Variants in CFAP161 observed in about 807,000 individuals in gnomAD.
CFAP161 encodes cilia and flagella associated protein 161, also known as cilia- and flagella-associated protein 161.
In CFAP161, 25 loss-of-function variants were observed where a neutral mutation model predicts 29.0. The observed-to-expected ratio is 0.86, with a 90% CI of 0.63 to 1.20. The LOEUF (loss-of-function observed/expected upper bound fraction) is 1.20. Ranked by LOEUF, CFAP161 falls within the 50% of genes most tolerant of loss-of-function variation. CFAP161 has a pLI of 0.00. For synonymous variants in CFAP161, 116 were observed against 137.4 expected (o/e 0.84, Z 1.09); for missense variants, 367 against 371.9 (o/e 0.99, Z 0.11).
At chr15:81,119,974 G>T (rs745947395) in intron 1 of CFAP161, among the ~76,000 whole-genome samples, 4 of 151,960 alleles carry the variant, frequency 2.6e-5, no homozygotes, top group Non-Finnish European at 5.9e-5. Flanking sequence ...GTGATAAAAG[G>T]CTCAAAAGCA....
At chr15:81,100,118 T>G in intron 1 of CFAP161, among the ~76,000 whole-genome samples, 1 of 151,880 alleles carries the variant, frequency 6.6e-6, no homozygotes. Context: ...CTTCTCTGCC[T>G]GTCTGCATCC....
intron 1 of CFAP161, among the ~76,000 whole-genome samples, chr15:81,123,046 G>T (rs1371535321): frequency 1.1e-4 from 16 of 152,106 alleles, no homozygotes; most frequent in African/African-American, 3.9e-4. Context: ...AGTGTAATTA[G>T]ATCCCATTTG....
intron 4 of CFAP161, 144 bp from the exon 5 acceptor site, chr15:81,143,518 T>C (rs906705157): frequency 3.5e-6 from 3 of 864,410 alleles, no homozygotes; most frequent in Admixed American, 2.3e-5. Context: ...TAGAGGAAAA[T>C]TGTGCTTTCT....
chr15:81,136,027 T>C (rs867776181), intron 2 of CFAP161, among the ~76,000 whole-genome samples: 3 of 152,362 alleles, frequency 2.0e-5, no homozygotes, highest in African/African-American at 7.2e-5. Context: ...TTCAAAATTC[T>C]GTTGAACTTG....
rs112170691 is a variant in CFAP161, at chr15:81,102,439, C to T, written c.-141-25151C>T. On this transcript the variant is annotated intron_variant, in intron 1 of 4. Transcript: ENST00000560091. The stretch of plus-strand genomic sequence containing the variant: ...TCCCAGCACTTTGGGAGGCCAAGGC[C>T]GGGAGATTGCTTGAGCCCAGGAGTT... Among the ~76,000 whole-genome samples, 739 of 151,968 alleles carry T rather than the reference C, an allele frequency of 4.9e-3. 5 individuals are homozygous for T. The highest frequency in any genetic ancestry group is 0.023 in the South Asian group (113 of 4,826).
At chr15:81,116,075 G>T (rs1329275815) in intron 1 of CFAP161, among the ~76,000 whole-genome samples, 3 of 152,080 alleles carry the variant, frequency 2.0e-5, no homozygotes, top group Non-Finnish European at 4.4e-5. Context: ...AGAAGAATGT[G>T]TTTAGGTACA....
chr15:81,108,697 G>C (rs1157143321), intron 1 of CFAP161, among the ~76,000 whole-genome samples: 1 of 152,092 alleles, frequency 6.6e-6, no homozygotes, highest in Non-Finnish European at 1.5e-5. Context: ...AAATCTGTGA[G>C]GCAACTTCAA....
chr15:81,127,361 T>G (rs942977364), intron 1 of CFAP161, among the ~76,000 whole-genome samples: 1 of 152,206 alleles, frequency 6.6e-6, no homozygotes, highest in Non-Finnish European at 1.5e-5. Context: ...ACAAACATTT[T>G]AACCTAGGTG....
intron 1 of CFAP161, 98 bp downstream of exon 1, chr15:81,134,496 C>G (rs1043785662): frequency 3.2e-5 from 39 of 1,224,370 alleles, no homozygotes; most frequent in Non-Finnish European, 4.3e-5. Flanking sequence ...AGCCTCCTCT[C>G]TCTCCCAGCA....
chr15:81,148,322 T>G lies in CFAP161; in HGVS notation c.711-16T>G. The G allele has an allele frequency of 6.3e-7, 1 of 1,595,934 alleles. No individual in the cohort carries two copies. ...TTATTCAATTTCAAACCACAACTGA[T>G]TCTCTCTTGCTCCAGCACCTATTTT... On this transcript the variant is annotated splice_polypyrimidine_tract_variant and intron_variant, in intron 6 of 6. Coordinates refer to ENST00000286732, the MANE Select transcript of CFAP161 (RefSeq NM_173528.4).
chr15:81,118,773 T>C (rs1954516749), intron 1 of CFAP161, among the ~76,000 whole-genome samples: 1 of 152,264 alleles, frequency 6.6e-6, no homozygotes, highest in African/African-American at 2.4e-5. Flanking sequence ...AGAATGTATT[T>C]TTATTGAACT....
intron 1 of CFAP161, among the ~76,000 whole-genome samples, chr15:81,124,569 A>G (rs1436091281): frequency 6.6e-6 from 1 of 152,162 alleles, no homozygotes; most frequent in Non-Finnish European, 1.5e-5. Context: ...ATTTTTTGGA[A>G]TAGTTTCCGT....
chr15:81,101,619 T>G (rs1487940922), intron 1 of CFAP161, among the ~76,000 whole-genome samples: 1 of 148,566 alleles, frequency 6.7e-6, no homozygotes, highest in Non-Finnish European at 1.5e-5. Context: ...GTTATTATAG[T>G]AGGGAGCATG....
At chr15:81,110,291 A>G (rs1376880200) in intron 1 of CFAP161, among the ~76,000 whole-genome samples, 2 of 152,182 alleles carry the variant, frequency 1.3e-5, no homozygotes, top group African/African-American at 2.4e-5. Context: ...AATTTAAAAA[A>G]TTTTCTGGTG....
At chr15:81,126,557 T>G (rs1894643595) in intron 1 of CFAP161, among the ~76,000 whole-genome samples, 1 of 152,232 alleles carries the variant, frequency 6.6e-6, no homozygotes, top group Non-Finnish European at 1.5e-5. Context: ...TTTTTCCTTT[T>G]GGCCTCAGTG....
At chr15:81,130,633 G>C (rs975736478), upstream of CFAP161, among the ~76,000 whole-genome samples, 1 of 152,194 alleles carries the variant, frequency 6.6e-6, no homozygotes, top group Admixed American at 6.5e-5. Flanking sequence ...CTGGGAGGTG[G>C]AGGTTGTAGT....
intron 3 of CFAP161, among the ~76,000 whole-genome samples, chr15:81,137,804 C>A (rs1196206561): frequency 6.6e-6 from 1 of 152,146 alleles, no homozygotes; most frequent in Non-Finnish European, 1.5e-5. Context: ...TTACTCTAAC[C>A]AGAGGCTCAC....
chr15:81,110,261 C>G (rs1302601458), intron 1 of CFAP161, among the ~76,000 whole-genome samples: 2 of 152,070 alleles, frequency 1.3e-5, no homozygotes, highest in African/African-American at 4.8e-5. Context: ...AGAAGTCTCC[C>G]CTGCTTAAAA....
intron 1 of CFAP161, among the ~76,000 whole-genome samples, chr15:81,103,711 T>G (rs1231755766): frequency 1.3e-5 from 2 of 152,180 alleles, no homozygotes; most frequent in Admixed American, 6.5e-5. Context: ...CCAGCAAATC[T>G]CAAACCTAGA....
Sources: allele counts gnomAD v4.1 joint callset (sites outside exome capture counted in the v4.1 genomes callset), GRCh38; gene constraint gnomAD v4.1.1; transcripts MANE v1.5; gene names NCBI Gene and HGNC (gene_info 2026-07-23, HGNC 2026-07-21).